Variants in DYNC2H1 observed in about 807,000 individuals in gnomAD.
The protein encoded by DYNC2H1 is dynein cytoplasmic 2 heavy chain 1.
In DYNC2H1, 410 loss-of-function variants were observed where a neutral mutation model predicts 570.0. The observed-to-expected ratio is 0.72, with a 90% CI of 0.66 to 0.78. DYNC2H1 has a LOEUF of 0.78. Ranked by LOEUF, DYNC2H1 falls within the 30% of genes least tolerant of loss-of-function variation. DYNC2H1 has a pLI of 0.00. For synonymous variants in DYNC2H1, 1,688 were observed against 1,677.6 expected (o/e 1.01, Z -0.15); for missense variants, 4,865 against 5,046.4 (o/e 0.96, Z 1.09).
intron 84 of DYNC2H1, among the ~76,000 whole-genome samples, chr11:103,429,897 C>G (rs1372176277): frequency 6.6e-6 from 1 of 152,130 alleles, no homozygotes; most frequent in Non-Finnish European, 1.5e-5. Flanking sequence ...TGTGCAACTG[C>G]TAGTGTTTGA....
At chr11:103,191,213 T>C (rs1050486322) in intron 45 of DYNC2H1, among the ~76,000 whole-genome samples, 1 of 151,740 alleles carries the variant, frequency 6.6e-6, no homozygotes, top group African/African-American at 2.4e-5. Flanking sequence ...CCAATTTTTA[T>C]ATTTTTTTTA....
rs1940444246 is a variant in DYNC2H1 at position 103,358,129 on chromosome 11, C to T, written c.12040-114C>T. 6.9e-6 allele frequency: 4 copies of T among 576,218 alleles called. No individual in the cohort carries two copies. The Admixed American group carries it at 9.6e-5, about 14-fold the overall frequency. The allele number at this position is 576,218 out of a possible 1,614,324, so 35.7% of individuals were successfully genotyped here. ...TAATAAGATTATAAACTGTTGACAACATTTTTGGTCTCTATTTTTATAAAA... is the reference window on the plus strand; with the variant it reads ...TAATAAGATTATAAACTGTTGACAATATTTTTGGTCTCTATTTTTATAAAA... On this transcript the variant is annotated intron_variant, in intron 82 of 88. Transcript: ENST00000375735.
At chr11:103,219,736 G>A (rs1471591774) in intron 55 of DYNC2H1, among the ~76,000 whole-genome samples, 179 bp from the exon 56 acceptor site, 1 of 152,164 alleles carries the variant, frequency 6.6e-6, no homozygotes, top group African/African-American at 2.4e-5. Context: ...TAGAAAATAT[G>A]GAGTAAAATA....
rs540993663 is a variant in DYNC2H1, at chr11:103,129,441, C to T, written c.1953+436C>T. Among the ~76,000 whole-genome samples, 26 of 152,166 alleles carry T rather than the reference C, an allele frequency of 1.7e-4. No homozygotes were observed. Among genetic ancestry groups the T allele is most frequent in the Admixed American group, 1.4e-3 (21 of 15,288 alleles). ...CTTACGCCTGTCATCCCAGCACTTTCGAGGCCGAGGCGGGTGGATCACCTG... is the reference window on the plus strand; with the variant it reads ...CTTACGCCTGTCATCCCAGCACTTTTGAGGCCGAGGCGGGTGGATCACCTG... On this transcript the variant is annotated intron_variant, in intron 13 of 88. Coordinates refer to ENST00000375735, the MANE Select transcript of DYNC2H1 (RefSeq NM_001377.3). The surrounding 1 kb of genome is among the most constrained non-coding windows in gnomAD (Gnocchi z 4.1).
rs759280188 is a variant in DYNC2H1, at chr11:103,257,604, A to C, written c.10462-4A>C. The C allele has an allele frequency of 1.2e-6, 2 of 1,608,550 alleles. No individual in the cohort carries two copies. Among genetic ancestry groups the C allele is most frequent in the Non-Finnish European group, 1.7e-6 (2 of 1,176,816 alleles). On this transcript the variant is annotated splice_region_variant and splice_polypyrimidine_tract_variant and intron_variant, in intron 68 of 88. Coordinates refer to ENST00000375735, the MANE Select transcript of DYNC2H1 (RefSeq NM_001377.3). ...CTATCCCCTACTGATCTCTTGATCC[A>C]TAGGAACGGGATGCCTATCTCCCCC... is the stretch of plus-strand genomic sequence containing the variant.
intron 84 of DYNC2H1, among the ~76,000 whole-genome samples, chr11:103,426,255 A>G (rs1943668447): frequency 6.6e-6 from 1 of 152,186 alleles, no homozygotes; most frequent in Non-Finnish European, 1.5e-5. Flanking sequence ...GCTGTCAGTA[A>G]ATATGTGGGT....
In DYNC2H1 at chr11:103,474,408, A is replaced by G. The variant is rs531101797; in HGVS notation, c.12766-4687A>G. Among the ~76,000 whole-genome samples the G allele has an allele frequency of 2.0e-5, 3 of 152,314 alleles. No homozygotes were observed. In the East Asian group the frequency reaches 5.8e-4, roughly 29 times the overall value. On this transcript the variant is annotated intron_variant, in intron 88 of 88. Transcript: ENST00000375735. ...AATAAGTTGGACTGTGCATAGACTGATGAATATATTTTGTTTTGTCTTCAT... is the reference window on the plus strand; with the variant it reads ...AATAAGTTGGACTGTGCATAGACTGGTGAATATATTTTGTTTTGTCTTCAT...
rs1306348740 is a variant in DYNC2H1 at position 103,461,612 on chromosome 11, G to T, written c.12648+5256G>T. ...TTCGAGTGCTCAGTAGCCATATGCG[G>T]TATAGTATATACAGTAACCACATAT... On this transcript the variant is annotated intron_variant, in intron 87 of 88. Transcript: ENST00000375735. The surrounding 1 kb of genome is among the most constrained non-coding windows in gnomAD (Gnocchi z 4.8). Among the ~76,000 whole-genome samples, 1 of 152,160 alleles carries T rather than the reference G, an allele frequency of 6.6e-6. No homozygotes were observed. Among genetic ancestry groups the T allele is most frequent in the Non-Finnish European group, 1.5e-5 (1 of 68,030 alleles).
intron 11 of DYNC2H1, among the ~76,000 whole-genome samples, chr11:103,124,059 A>G (rs1324083443): frequency 6.6e-6 from 1 of 152,096 alleles, no homozygotes; most frequent in Non-Finnish European, 1.5e-5. Context: ...ATTTTGTTTT[A>G]TATGCTATTA....
At position 103,280,300 on chromosome 11, in the gene DYNC2H1, A is replaced by G; in HGVS notation, c.10696-48A>G. On this transcript the variant is annotated intron_variant, in intron 70 of 88. Transcript: ENST00000375735. The surrounding 1 kb of genome is among the most constrained non-coding windows in gnomAD (Gnocchi z 4.7). ...AAATTTTAACGACTATGCTTTTCCA[A>G]AGACACAAATTTTTAAAAGGCAAGA... The G allele has an allele frequency of 6.5e-7, 1 of 1,540,240 alleles. No homozygotes were observed.
At chr11:103,412,338 T>A (rs1184725911) in intron 84 of DYNC2H1, among the ~76,000 whole-genome samples, 1 of 152,102 alleles carries the variant, frequency 6.6e-6, no homozygotes, top group Non-Finnish European at 1.5e-5. Context: ...CTGCTAAAAC[T>A]TTTTTAAATA....
chr11:103,463,563 A>G lies in DYNC2H1; in HGVS notation c.12649-5026A>G, dbSNP rs150266249. ...CCAGGTGTTTAAGACCAGCCTGAGC[A>G]ACATGGAAGAACCCTGTTTCTACTA... On this transcript the variant is annotated intron_variant, in intron 87 of 88. Transcript: ENST00000375735. Among the ~76,000 whole-genome samples the G allele has an allele frequency of 7.4e-3, 1,125 of 152,248 alleles. 8 individuals are homozygous for G. The highest frequency in any genetic ancestry group is 0.025 in the South Asian group (120 of 4,826).
chr11:103,404,631 A>G (rs1335997444), intron 84 of DYNC2H1: 1 of 150,674 alleles, frequency 6.6e-6, no homozygotes, highest in Non-Finnish European at 1.5e-5. Flanking sequence ...AGCCTATCTG[A>G]TTAATTGTAT....
At chr11:103,265,429 C>T (rs1865470493) in intron 70 of DYNC2H1, among the ~76,000 whole-genome samples, 2 of 152,144 alleles carry the variant, frequency 1.3e-5, no homozygotes, top group African/African-American at 2.4e-5. Context: ...TTCTTTCCTC[C>T]ACTTCATCTA....
At chr11:103,213,528 C>T (rs1435174989) in intron 54 of DYNC2H1, among the ~76,000 whole-genome samples, 3 of 150,882 alleles carry the variant, frequency 2.0e-5, no homozygotes, top group Admixed American at 2.0e-4. Context: ...TTATGGGGTA[C>T]ATGTGATATT....
At chr11:103,135,367 A>C in intron 15 of DYNC2H1, 128 bp from the exon 16 acceptor site, 2 of 800,362 alleles carry the variant, frequency 2.5e-6, no homozygotes, top group Non-Finnish European at 3.5e-6. Flanking sequence ...TACCAGTTTT[A>C]CATATTTGAA....
At position 103,479,246 on chromosome 11, in the gene DYNC2H1, A is replaced by C; in HGVS notation, c.12917A>C (p.Asn4306Thr). The change falls in exon 89 of 89, where the codon AAT becomes ACT. Residue 4306 changes from asparagine to threonine, a missense_variant. This residue lies in a region of DYNC2H1 where 2,401 missense variants were observed against 2,454.6 expected (regional missense o/e 0.98). Coordinates refer to ENST00000375735, the MANE Select transcript of DYNC2H1 (RefSeq NM_001377.3). The stretch of plus-strand genomic sequence containing the variant: ...TGTGGAGCAGCTCTATTCCTAAAAA[A>C]TCAGTAGAATCTAATGACAACAAAA... Reference protein sequence around the residue: ...IQCGAALFLKNQ With the variant: ...IQCGAALFLKTQ The C allele has an allele frequency of 6.2e-7, 1 of 1,610,372 alleles. No homozygotes were observed.
At chr11:103,211,170 G>A (rs1863140139) in intron 53 of DYNC2H1, among the ~76,000 whole-genome samples, 1 of 149,964 alleles carries the variant, frequency 6.7e-6, no homozygotes, top group Admixed American at 6.7e-5. Context: ...ATTATGTAAT[G>A]GCTGTGGCAC....
At chr11:103,448,289 T>A (rs1944493086) in intron 85 of DYNC2H1, among the ~76,000 whole-genome samples, 1 of 152,172 alleles carries the variant, frequency 6.6e-6, no homozygotes, top group South Asian at 2.1e-4. Context: ...TCCACAATAC[T>A]GTTTAACAAC....
Sources: allele counts gnomAD v4.1 joint callset (sites outside exome capture counted in the v4.1 genomes callset), GRCh38; gene constraint gnomAD v4.1.1; regional missense constraint gnomAD v4.1.1; non-coding constraint Gnocchi (gnomAD v3.1); transcripts MANE v1.5; gene names NCBI Gene and HGNC (gene_info 2026-07-23, HGNC 2026-07-21).